Variants in GNAQ observed in about 807,000 individuals in gnomAD.
The protein encoded by GNAQ is G protein subunit alpha q.
Under a neutral mutation model 43.9 loss-of-function variants are expected in GNAQ, and 8 were observed. The ratio of observed to expected loss-of-function variants is 0.18; its 90% CI spans 0.11 to 0.33. The LOEUF is 0.33. Among genes scored for constraint, GNAQ ranks in the 10% least tolerant of loss-of-function variants. The pLI is 1.00. For synonymous variants in GNAQ, 155 were observed against 170.7 expected (o/e 0.91, Z 0.71); for missense variants, 158 against 450.8 (o/e 0.35, Z 5.88).
intron 2 of GNAQ, among the ~76,000 whole-genome samples, chr9:77,916,578 G>A (rs1564150933): frequency 6.6e-6 from 1 of 152,078 alleles, no homozygotes; most frequent in East Asian, 1.9e-4. Flanking sequence ...TCTCAGAATT[G>A]CTTAGAGAGG....
intron 1 of GNAQ, among the ~76,000 whole-genome samples, 179 bp from the exon 2 acceptor site, chr9:77,922,524 A>G (rs1829014220): frequency 6.6e-6 from 1 of 152,194 alleles, no homozygotes; most frequent in South Asian, 2.1e-4. Context: ...GAGAGAGTCT[A>G]TTTCAAAGGC....
chr9:77,984,389 G>A (rs1370730023), intron 1 of GNAQ, among the ~76,000 whole-genome samples: 1 of 151,900 alleles, frequency 6.6e-6, no homozygotes, highest in Non-Finnish European at 1.5e-5. Context: ...GGCTGGTCTC[G>A]AACTCCTGGA....
At chr9:77,973,910 C>T (rs1365420933) in intron 1 of GNAQ, among the ~76,000 whole-genome samples, 2 of 152,004 alleles carry the variant, frequency 1.3e-5, no homozygotes, top group African/African-American at 4.8e-5. Flanking sequence ...AACTAAAGTC[C>T]TTACTGGGTT....
intron 3 of GNAQ, among the ~76,000 whole-genome samples, chr9:77,807,318 A>G (rs1365301774): frequency 6.6e-6 from 1 of 152,222 alleles, no homozygotes; most frequent in East Asian, 1.9e-4. Context: ...TGCATGTTCT[A>G]TTAGCCCTCT....
At chr9:77,872,059 A>C (rs1238043399) in intron 2 of GNAQ, among the ~76,000 whole-genome samples, 3 of 152,246 alleles carry the variant, frequency 2.0e-5, no homozygotes, top group East Asian at 3.8e-4. Flanking sequence ...TAGCATGTGC[A>C]TCCAAAATTT....
chr9:77,728,001 TTTC>T (rs1273544075), intron 6 of GNAQ, among the ~76,000 whole-genome samples: 1 of 149,822 alleles, frequency 6.7e-6, no homozygotes, highest in Non-Finnish European at 1.5e-5. Context: ...ATGAGTTTCT[TTTC>T]TTTTTTTTTT....
chr9:77,762,259 GC>G (rs1277729715), intron 5 of GNAQ, among the ~76,000 whole-genome samples: 10 of 141,054 alleles, frequency 7.1e-5, no homozygotes, highest in Non-Finnish European at 1.6e-4. Context: ...TGGGGGGTCA[GC>G]CCCCCGCCTG....
At chr9:78,007,057 C>T (rs1002838805) in intron 1 of GNAQ, among the ~76,000 whole-genome samples, 2 of 152,150 alleles carry the variant, frequency 1.3e-5, no homozygotes, top group African/African-American at 4.8e-5. Context: ...ACTGGTTCTA[C>T]ATTCAGAAGT....
At chr9:77,724,955 GA>G (rs1183090223) in intron 6 of GNAQ, among the ~76,000 whole-genome samples, 1 of 151,926 alleles carries the variant, frequency 6.6e-6, no homozygotes, top group East Asian at 1.9e-4. Context: ...TTCAAAACCA[GA>G]AAGTAACAGA....
intron 1 of GNAQ, among the ~76,000 whole-genome samples, chr9:77,926,007 T>C (rs951940513): frequency 1.3e-5 from 2 of 152,232 alleles, no homozygotes; most frequent in Non-Finnish European, 2.9e-5. Flanking sequence ...ATTTTTACTG[T>C]TGTATTGTTT....
intron 1 of GNAQ, among the ~76,000 whole-genome samples, chr9:77,930,572 T>C (rs1332588170): frequency 6.6e-6 from 1 of 152,208 alleles, no homozygotes; most frequent in Non-Finnish European, 1.5e-5. Flanking sequence ...CTCAAACATA[T>C]ATATTTTATT....
intron 2 of GNAQ, among the ~76,000 whole-genome samples, chr9:77,911,660 A>G (rs866467730): frequency 5.9e-5 from 9 of 152,314 alleles, no homozygotes; most frequent in Middle Eastern, 3.4e-3. Flanking sequence ...GATGGTGAAG[A>G]TAAGAAACTC....
At chr9:77,906,142 C>A (rs1828704415) in intron 2 of GNAQ, among the ~76,000 whole-genome samples, 1 of 152,128 alleles carries the variant, frequency 6.6e-6, no homozygotes, top group Non-Finnish European at 1.5e-5. Context: ...CTGATACTAC[C>A]TGACATGTAA....
At chr9:78,028,397 T>C (rs1481922625) in intron 1 of GNAQ, among the ~76,000 whole-genome samples, 1 of 152,200 alleles carries the variant, frequency 6.6e-6, no homozygotes. Context: ...CAAATTTTAC[T>C]GCCATACTTT....
At chr9:77,906,830 T>C (rs1395621573) in intron 2 of GNAQ, among the ~76,000 whole-genome samples, 1 of 152,182 alleles carries the variant, frequency 6.6e-6, no homozygotes, top group Non-Finnish European at 1.5e-5. Context: ...CTTTCTACAA[T>C]CTAAGAAAAC....
chr9:77,770,333 G>A (rs1241539377), intron 5 of GNAQ, among the ~76,000 whole-genome samples: 2 of 152,060 alleles, frequency 1.3e-5, no homozygotes, highest in Admixed American at 6.6e-5. Flanking sequence ...TTTATAATGT[G>A]CCCAGTGCTT....
chr9:77,925,867 T>A (rs1437082531), intron 1 of GNAQ, among the ~76,000 whole-genome samples: 2 of 152,164 alleles, frequency 1.3e-5, no homozygotes, highest in Non-Finnish European at 2.9e-5. Flanking sequence ...GTACCTGATA[T>A]AAAATGGTAT....
At chr9:77,756,571 C>T (rs1367321414) in intron 5 of GNAQ, among the ~76,000 whole-genome samples, 1 of 150,662 alleles carries the variant, frequency 6.6e-6, no homozygotes. Context: ...CTAGGGAATG[C>T]TGGCACAATG....
Position 77,813,209 on chromosome 9 carries a change from T to C in GNAQ, c.476+2407A>G, listed in dbSNP as rs952521641. Among the ~76,000 whole-genome samples, 3 of 152,278 alleles carry C rather than the reference T, an allele frequency of 2.0e-5. No individual in the cohort carries two copies. In the South Asian group the frequency reaches 6.2e-4, roughly 32 times the overall value. ...CTGGGATTACAGGCGTAAGCCACCA[T>C]ACCTGGCCCACATATATATAATTTA... On this transcript the variant is annotated intron_variant, in intron 3 of 6. Transcript: ENST00000286548.
Sources: allele counts gnomAD v4.1 joint callset (sites outside exome capture counted in the v4.1 genomes callset), GRCh38; gene constraint gnomAD v4.1.1; transcripts MANE v1.5; gene names NCBI Gene and HGNC (gene_info 2026-07-23, HGNC 2026-07-21).